The following RERE variants were observed in gnomAD, a reference collection of about 807,000 sequenced individuals.
RERE encodes the protein arginine-glutamic acid dipeptide repeats, also known as arginine-glutamic acid dipeptide repeats protein.
A neutral mutation model predicts 146.1 loss-of-function variants in RERE; 40 were observed. The ratio of observed to expected loss-of-function variants is 0.27; its 90% confidence interval spans 0.21 to 0.36. The LOEUF (loss-of-function observed/expected upper bound fraction) is 0.36, where lower values mean the gene tolerates loss of function less well. Among genes scored for constraint, RERE ranks in the 10% least tolerant of loss-of-function variants. RERE has a pLI of 1.00. For synonymous variants in RERE, 1,003 were observed against 866.0 expected (o/e 1.16, Z -2.78); for missense variants, 1,933 against 2,138.7 (o/e 0.90, Z 1.90).
intron 7 of RERE, chr1:8,512,048 A>C: frequency 4.3e-5 from 1 of 23,382 alleles, no homozygotes; most frequent in African/African-American, 1.2e-4. Context: ...TTTTTTTGAG[A>C]CGGAGTCTCG....
At chr1:8,601,658 A>G (rs956316090) in intron 4 of RERE, among the ~76,000 whole-genome samples, 1 of 147,422 alleles carries the variant, frequency 6.8e-6, no homozygotes, top group Admixed American at 6.7e-5. Flanking sequence ...ACACACACAC[A>G]CACACACACA....
chr1:8,410,808 G>A (rs529580742), intron 12 of RERE, among the ~76,000 whole-genome samples: 8 of 152,142 alleles, frequency 5.3e-5, no homozygotes, highest in East Asian at 1.9e-4. Flanking sequence ...TACATTGTTC[G>A]GCACTTGGTT....
At chr1:8,673,549 C>T (rs965774814) in intron 1 of RERE, among the ~76,000 whole-genome samples, 2 of 152,178 alleles carry the variant, frequency 1.3e-5, no homozygotes, top group South Asian at 4.1e-4. Flanking sequence ...AAGAGAATGT[C>T]TTCAAGTCTA....
chr1:8,608,764 G>C (rs544670049), intron 4 of RERE, among the ~76,000 whole-genome samples: 1 of 152,228 alleles, frequency 6.6e-6, no homozygotes, highest in Non-Finnish European at 1.5e-5. Context: ...TTGGAAAAAA[G>C]ATGATGAATA....
chr1:8,486,645 A>C (rs78352132), intron 10 of RERE, among the ~76,000 whole-genome samples: 3,150 of 151,902 alleles, frequency 0.021, 95 homozygotes, highest in African/African-American at 0.072. Context: ...ATATAAAACA[A>C]ACGGGAAAAA....
chr1:8,764,000 T>C (rs1057070860), intron 1 of RERE, among the ~76,000 whole-genome samples: 2 of 151,892 alleles, frequency 1.3e-5, no homozygotes, highest in African/African-American at 4.8e-5. Context: ...TTGACTGTTA[T>C]TTATTCTCAC....
In RERE at chr1:8,464,148, A is replaced by C. The variant is rs1457892488; in HGVS notation, c.1203+1777T>G. 2.0e-5 allele frequency among the ~76,000 whole-genome samples: 3 copies of C among 152,158 alleles called. No homozygotes were observed. In the East Asian group the frequency reaches 5.8e-4, roughly 29 times the overall value. On this transcript the variant is annotated intron_variant, in intron 11 of 22. Transcript: ENST00000400908. ...CTTTAATAATAACGTTAAGATTTTT[A>C]TGGTTTTGTTTGTTTTAAAACAGCT... is the stretch of plus-strand genomic sequence containing the variant.
intron 12 of RERE, among the ~76,000 whole-genome samples, chr1:8,414,072 A>C (rs1643692247): frequency 6.7e-6 from 1 of 149,932 alleles, no homozygotes; most frequent in Non-Finnish European, 1.5e-5. Flanking sequence ...AAAAAAAAAA[A>C]AGAAATGAGG....
chr1:8,565,455 C>T (rs1646142655), intron 4 of RERE, among the ~76,000 whole-genome samples: 1 of 152,182 alleles, frequency 6.6e-6, no homozygotes, highest in Non-Finnish European at 1.5e-5. Flanking sequence ...GCCTGGAATC[C>T]CAGCACTTTG....
At chr1:8,404,624 GA>G (rs1643387214) in intron 12 of RERE, among the ~76,000 whole-genome samples, 1 of 152,176 alleles carries the variant, frequency 6.6e-6, no homozygotes, top group Admixed American at 6.5e-5. Flanking sequence ...TCTAATCTGA[GA>G]TTACTCTCCC....
At chr1:8,730,655 T>G (rs995664523) in intron 1 of RERE, among the ~76,000 whole-genome samples, 2 of 152,228 alleles carry the variant, frequency 1.3e-5, no homozygotes, top group African/African-American at 4.8e-5. Context: ...GTTTTGTTTT[T>G]TGAGACAGAG....
intron 12 of RERE, among the ~76,000 whole-genome samples, chr1:8,383,966 C>A (rs955686344): frequency 1.2e-4 from 19 of 152,152 alleles, no homozygotes; most frequent in African/African-American, 4.6e-4. Context: ...TAATGTGGGG[C>A]TCACTAGAGT....
At chr1:8,743,749 C>T (rs1640363238) in intron 1 of RERE, among the ~76,000 whole-genome samples, 1 of 152,008 alleles carries the variant, frequency 6.6e-6, no homozygotes, top group South Asian at 2.1e-4. Context: ...GGCTCAGTCC[C>T]TCACTTATTT....
intron 12 of RERE, among the ~76,000 whole-genome samples, chr1:8,405,787 C>T (rs1031485148): frequency 2.0e-5 from 3 of 152,070 alleles, no homozygotes; most frequent in African/African-American, 4.8e-5. Context: ...TACATGCACA[C>T]GCCACCACGC....
intron 3 of RERE, among the ~76,000 whole-genome samples, chr1:8,620,192 G>C (rs895527339): frequency 6.6e-6 from 1 of 152,212 alleles, no homozygotes; most frequent in African/African-American, 2.4e-5. Context: ...TCTTTCCATT[G>C]CAATTCATGA....
intron 2 of RERE, among the ~76,000 whole-genome samples, chr1:8,655,238 G>A (rs193248922): frequency 1.7e-4 from 26 of 149,700 alleles, no homozygotes; most frequent in East Asian, 1.2e-3. Flanking sequence ...ACGGAGACTC[G>A]CTCTGTTGCC....
At chr1:8,540,761 AGT>A (rs901478368) in intron 7 of RERE, among the ~76,000 whole-genome samples, 2 of 152,222 alleles carry the variant, frequency 1.3e-5, no homozygotes, top group African/African-American at 4.8e-5. Flanking sequence ...AAGATATTTC[AGT>A]GTGTGTTCCT....
chr1:8,786,749 T>A, intron 1 of RERE: 1 of 778,168 alleles, frequency 1.3e-6, no homozygotes, highest in East Asian at 2.4e-5. Context: ...GTTCTGTACA[T>A]CTGCCTATAT....
At chr1:8,465,728 A>T (rs1424349357) in intron 11 of RERE, 197 bp downstream of exon 11, 2 of 672,016 alleles carry the variant, frequency 3.0e-6, no homozygotes. Flanking sequence ...ACATCTATGA[A>T]GCCTAATCTT....
Sources: allele counts gnomAD v4.1 joint callset (sites outside exome capture counted in the v4.1 genomes callset), GRCh38; gene constraint gnomAD v4.1.1; transcripts MANE v1.5; gene names NCBI Gene and HGNC (gene_info 2026-07-23, HGNC 2026-07-21).